The following AFF1 variants were observed in gnomAD, a reference collection of about 807,000 sequenced individuals.
AFF1 encodes the protein ALF transcription elongation factor 1.
AFF1 carries 48 observed loss-of-function variants against 121.7 expected under a neutral mutation model. The observed-to-expected ratio is 0.39, with a 90% CI of 0.31 to 0.50. The LOEUF (loss-of-function observed/expected upper bound fraction) is 0.50. Ranked by LOEUF, AFF1 falls within the 20% of genes least tolerant of loss-of-function variation. The pLI is 0.76. For missense variants in AFF1, 1,523 were observed against 1,511.7 expected, an observed-to-expected ratio of 1.01 and a Z score of -0.12; for synonymous variants, 613 against 563.0, an observed-to-expected ratio of 1.09 and a Z score of -1.26.
At chr4:87,042,833 T>C (rs944011854) in intron 2 of AFF1, among the ~76,000 whole-genome samples, 1 of 152,356 alleles carries the variant, frequency 6.6e-6, no homozygotes, top group African/African-American at 2.4e-5. Flanking sequence ...AATGGCTTAA[T>C]TGTGTTCTTC....
chr4:86,970,827 T>C (rs1208329619), intron 2 of AFF1, among the ~76,000 whole-genome samples: 3 of 152,154 alleles, frequency 2.0e-5, no homozygotes, highest in African/African-American at 4.8e-5. Context: ...AGCTTGTGCA[T>C]AGGCCCTGAG....
At chr4:87,010,996 G>A (rs1001535575) in intron 2 of AFF1, among the ~76,000 whole-genome samples, 1 of 151,220 alleles carries the variant, frequency 6.6e-6, no homozygotes, top group East Asian at 2.0e-4. Context: ...GGAGAATGGC[G>A]TGAACCTGGG....
At chr4:87,039,678 T>A (rs906548494) in intron 2 of AFF1, among the ~76,000 whole-genome samples, 4 of 152,172 alleles carry the variant, frequency 2.6e-5, no homozygotes, top group Admixed American at 6.5e-5. Flanking sequence ...TCTGTAGAGA[T>A]CTTTTGATAC....
chr4:87,135,034 C>T (rs539269828), intron 20 of AFF1, among the ~76,000 whole-genome samples: 40 of 152,210 alleles, frequency 2.6e-4, no homozygotes, highest in Admixed American at 1.0e-3. Flanking sequence ...CTGGCTGTTC[C>T]TAGGCCCAGC....
At chr4:87,124,445 A>G (rs1166283433) in intron 12 of AFF1, among the ~76,000 whole-genome samples, 4 of 152,176 alleles carry the variant, frequency 2.6e-5, no homozygotes, top group Non-Finnish European at 5.9e-5. Flanking sequence ...TCCCAGAGCA[A>G]TTGTTTCTAT....
chr4:86,939,343 G>A (rs1720287192), intron 1 of AFF1, among the ~76,000 whole-genome samples: 1 of 152,198 alleles, frequency 6.6e-6, no homozygotes, highest in South Asian at 2.1e-4. Flanking sequence ...TGTTGGCTAT[G>A]TTGATGTGTG....
Position 87,115,187 on chromosome 4 carries a change from G to A in AFF1, c.2354G>A (p.Gly785Glu), listed in dbSNP as rs747966925. Residue 785 changes from glycine (G) to glutamate (E), a missense_variant, in exon 12 of 21, where the codon GGG (glycine) becomes GAG (glutamate). Physicochemically the swap from Gly to Glu is moderately conservative, Grantham distance 98. Around this residue, in one of 5 missense-constraint regions of AFF1, gnomAD observed 905 missense variants for 842.5 expected, o/e 1.07. Coordinates refer to ENST00000395146, the MANE Select transcript of AFF1 (RefSeq NM_001166693.3). Reference protein sequence around the residue: ...DLLSRIPQPPGKGSRQRKAED... With the variant: ...DLLSRIPQPPEKGSRQRKAED... Reference sequence around the variant, plus strand: ...CTCTCTCGGATACCCCAGCCTCCCGGGAAGGGGAGCCGCCAGAGGAAAGCA... The same window carrying A: ...CTCTCTCGGATACCCCAGCCTCCCGAGAAGGGGAGCCGCCAGAGGAAAGCA... 1 of 1,614,074 alleles carries A rather than the reference G, an allele frequency of 6.2e-7. No individual in the cohort carries two copies. Among genetic ancestry groups the A allele is most frequent in the Non-Finnish European group, 8.5e-7 (1 of 1,180,052 alleles).
chr4:87,034,023 ACG>A (rs1729317714), intron 2 of AFF1, among the ~76,000 whole-genome samples: 1 of 152,158 alleles, frequency 6.6e-6, no homozygotes, highest in Non-Finnish European at 1.5e-5. Flanking sequence ...TCAGATGATG[ACG>A]GAACAGATGA....
At chr4:86,953,011 C>A (rs1187202607) in intron 2 of AFF1, among the ~76,000 whole-genome samples, 3 of 132,874 alleles carry the variant, frequency 2.3e-5, no homozygotes, top group Admixed American at 8.8e-5. Context: ...CAGGCCTGAG[C>A]CATGGCGCCC....
chr4:87,077,063 T>C (rs769201740), intron 4 of AFF1, among the ~76,000 whole-genome samples: 1 of 152,258 alleles, frequency 6.6e-6, no homozygotes, highest in Admixed American at 6.5e-5. Context: ...GTCTTATTTC[T>C]TCCTCAAAAC....
intron 4 of AFF1, chr4:87,047,814 A>G (rs986350713): frequency 1.4e-6 from 1 of 697,108 alleles, no homozygotes; most frequent in Non-Finnish European, 2.5e-6. Context: ...AAAGGTTTAG[A>G]GAACCTTTTT....
chr4:87,035,341 C>T (rs561246212), intron 2 of AFF1, among the ~76,000 whole-genome samples: 65 of 152,238 alleles, frequency 4.3e-4, no homozygotes, highest in African/African-American at 1.5e-3. Flanking sequence ...GAGGGCAGAT[C>T]ACGAGGTCAG....
chr4:87,007,169 G>C lies in AFF1; in HGVS notation c.39-38997G>C, dbSNP rs572637200. On this transcript the variant is annotated intron_variant, in intron 2 of 20. Coordinates refer to ENST00000395146, the MANE Select transcript of AFF1 (RefSeq NM_001166693.3). ...CCCGGGCTCGTCTGAAGTGCAGATC[G>C]CCGCAGAGGCCCCAGTGCCCGGATG... 5 of 1,343,866 alleles carry C rather than the reference G, an allele frequency of 3.7e-6. No individual in the cohort carries two copies. In the South Asian group the frequency reaches 9.2e-5, roughly 25 times the overall value. 83.2% of individuals were successfully genotyped at this position (1,343,866 alleles called of 1,614,324 possible).
rs1453049927 is a variant in AFF1 at position 87,077,725 on chromosome 4, G to A, written c.1060-6395G>A. Among the ~76,000 whole-genome samples the A allele has an allele frequency of 3.3e-5, 5 of 151,914 alleles. No individual in the cohort carries two copies. The South Asian group carries it at 8.3e-4, about 25-fold the overall frequency. On this transcript the variant is annotated intron_variant, in intron 4 of 20. Coordinates refer to ENST00000395146, the MANE Select transcript of AFF1 (RefSeq NM_001166693.3). ...TACTTTCTTCATTTATAGAAATGCT[G>A]GCATATAATGCATCTTTTTTTAAAA... is the stretch of plus-strand genomic sequence containing the variant.
intron 1 of AFF1, among the ~76,000 whole-genome samples, chr4:86,938,707 TAAATG>T (rs900619157): frequency 1.3e-5 from 2 of 152,204 alleles, no homozygotes; most frequent in Non-Finnish European, 2.9e-5. Context: ...AGCATGGAAA[TAAATG>T]TGAAATATGT....
chr4:87,131,282 A>C (rs1728803902), intron 17 of AFF1, 63 bp downstream of exon 17: 1 of 1,588,680 alleles, frequency 6.3e-7, no homozygotes, highest in African/African-American at 1.3e-5. Context: ...TTATTGTTTT[A>C]ATCCATTTGA....
At chr4:86,986,529 C>A (rs1234843268) in intron 2 of AFF1, among the ~76,000 whole-genome samples, 1 of 151,980 alleles carries the variant, frequency 6.6e-6, no homozygotes, top group Non-Finnish European at 1.5e-5. Context: ...ATACATTCAA[C>A]TGAGAAACAT....
chr4:86,990,764 A>T (rs1278526072), intron 2 of AFF1, among the ~76,000 whole-genome samples: 2 of 152,198 alleles, frequency 1.3e-5, no homozygotes, highest in Non-Finnish European at 2.9e-5. Context: ...GAATAAATGC[A>T]TGAGTACTGA....
intron 2 of AFF1, among the ~76,000 whole-genome samples, chr4:87,000,215 C>T (rs1419000811): frequency 6.6e-6 from 1 of 152,158 alleles, no homozygotes; most frequent in East Asian, 1.9e-4. Flanking sequence ...CTATTACCAC[C>T]CCTTTTCCTG....
Sources: allele counts gnomAD v4.1 joint callset (sites outside exome capture counted in the v4.1 genomes callset), GRCh38; gene constraint gnomAD v4.1.1; regional missense constraint gnomAD v4.1.1; transcripts MANE v1.5; gene names NCBI Gene and HGNC (gene_info 2026-07-23, HGNC 2026-07-21).